ARID1B: variants seen among roughly 807,000 people sequenced by gnomAD.
ARID1B encodes the protein AT-rich interaction domain 1B.
ARID1B carries 30 observed loss-of-function variants against 212.3 expected under a neutral mutation model. That is an observed-to-expected ratio of 0.14 (90% CI 0.11 to 0.19). The LOEUF (loss-of-function observed/expected upper bound fraction) is 0.19, where lower values mean the gene tolerates loss of function less well. Ranked by LOEUF, ARID1B falls within the 10% of genes least tolerant of loss-of-function variation. ARID1B has a pLI of 1.00. For synonymous variants in ARID1B, 1,402 were observed against 1,301.7 expected (o/e 1.08, Z -1.66); for missense variants, 2,891 against 3,204.0 (o/e 0.90, Z 2.36).
intron 1 of ARID1B, among the ~76,000 whole-genome samples, chr6:156,802,757 TG>T (rs1443890819): frequency 6.6e-6 from 1 of 152,250 alleles, no homozygotes; most frequent in East Asian, 1.9e-4. Flanking sequence ...GTATTGGCAT[TG>T]TTTTTTTGTG....
chr6:157,114,998 C>T (rs1352702700), intron 6 of ARID1B, among the ~76,000 whole-genome samples: 1 of 152,192 alleles, frequency 6.6e-6, no homozygotes, highest in African/African-American at 2.4e-5. Flanking sequence ...TGTTAATAAA[C>T]CATGTACCCT....
At chr6:157,075,861 A>G (rs1784271982) in intron 4 of ARID1B, among the ~76,000 whole-genome samples, 1 of 152,238 alleles carries the variant, frequency 6.6e-6, no homozygotes, top group Admixed American at 6.5e-5. Context: ...TGTCAAGGAA[A>G]GACTGGGAAA....
chr6:157,134,288 C>T (rs9480447), intron 7 of ARID1B, among the ~76,000 whole-genome samples: 8,936 of 152,206 alleles, frequency 0.059, 398 homozygotes, highest in South Asian at 0.22. Flanking sequence ...GCTTGAAAAG[C>T]GAGTTATTAT....
chr6:157,084,573 AG>A, intron 4 of ARID1B, 88 bp from the exon 5 acceptor site: 1 of 1,493,592 alleles, frequency 6.7e-7, no homozygotes, highest in Non-Finnish European at 9.0e-7. Context: ...TCATCTCTGA[AG>A]GGGACGTCAT....
At chr6:156,783,620 AGAT>A (rs1297124228) in intron 1 of ARID1B, among the ~76,000 whole-genome samples, 9 of 152,240 alleles carry the variant, frequency 5.9e-5, no homozygotes, top group Non-Finnish European at 1.0e-4. Context: ...CAAACCGAAA[AGAT>A]GATCATTTCA....
chr6:156,915,943 A>C (rs1437015642), intron 3 of ARID1B, among the ~76,000 whole-genome samples: 2 of 151,718 alleles, frequency 1.3e-5, no homozygotes, highest in African/African-American at 4.8e-5. Context: ...TCCTCTCTAG[A>C]AGGTTTTTTA....
At position 157,200,977 on chromosome 6, in the gene ARID1B, G is replaced by A. The variant is rs753891391; in HGVS notation, c.4752G>A (p.Gln1584=). The A allele has an allele frequency of 1.2e-6, 2 of 1,614,128 alleles. No individual in the cohort carries two copies. The highest frequency in any genetic ancestry group is 2.2e-5 in the South Asian group (2 of 91,076). ...AGTCGTCCTCCAGTGAGGGGCCTCA[G>A]CAGAATATGTGGGCAGCACGCAATG... ...PLQSSSSEGP[Q]QNMWAARNDM... The change falls in exon 18 of 20, where the codon CAG becomes CAA. Residue 1584 remains glutamine, a synonymous_variant. Transcript: ENST00000636930. The surrounding 1 kb of genome is among the most constrained non-coding windows in gnomAD (Gnocchi z 4.3).
At chr6:157,035,171 T>G (rs1484877914) in intron 4 of ARID1B, among the ~76,000 whole-genome samples, 2 of 152,244 alleles carry the variant, frequency 1.3e-5, no homozygotes, top group Non-Finnish European at 2.9e-5. Context: ...AATTTTCTTG[T>G]TACATTGACT....
intron 4 of ARID1B, among the ~76,000 whole-genome samples, chr6:157,052,930 G>A (rs1256304646): frequency 6.6e-6 from 1 of 152,080 alleles, no homozygotes; most frequent in African/African-American, 2.4e-5. Context: ...ATGTTGGCCA[G>A]TATTGTCTCG....
At chr6:156,821,205 C>G (rs970156504) in intron 1 of ARID1B, among the ~76,000 whole-genome samples, 3 of 152,304 alleles carry the variant, frequency 2.0e-5, no homozygotes, top group Middle Eastern at 3.4e-3. Flanking sequence ...CTAGGGTCAA[C>G]TCCCCAAGTG....
intron 4 of ARID1B, among the ~76,000 whole-genome samples, chr6:157,062,692 A>G (rs1444279663): frequency 1.7e-5 from 2 of 115,748 alleles, no homozygotes; most frequent in Admixed American, 1.8e-4. Context: ...ATGTTTTAAA[A>G]TATATATATA....
Position 156,779,148 on chromosome 6 carries a change from G to A in ARID1B, c.1468G>A (p.Gly490Ser), listed in dbSNP as rs1216830785. ...GGCGGGGGGCTTCCAGCGCTTCGCC[G>A]GCCAGAACCAGCACCCGTCGGGGGC... ...SAAGGFQRFA[G>S]QNQHPSGATP... Residue 490 changes from glycine (G) to serine (S), a missense_variant, in exon 1 of 20, where the codon GGC becomes AGC. By Grantham distance (56) the Gly-to-Ser change is moderately conservative. Coordinates refer to ENST00000636930, the MANE Select transcript of ARID1B (RefSeq NM_001374828.1). 7.7e-7 allele frequency: 1 copy of A among 1,291,976 alleles called. No homozygotes were observed. The highest frequency in any genetic ancestry group is 9.8e-7 in the Non-Finnish European group (1 of 1,015,472). The allele number at this position is 1,291,976 out of a possible 1,614,324, so 80.0% of individuals were successfully genotyped here. A position where few individuals can be genotyped will look rare whatever the true frequency, so the allele number is the denominator to read the frequency against.
At chr6:157,179,597 A>G (rs918044469) in intron 11 of ARID1B, among the ~76,000 whole-genome samples, 30 of 152,208 alleles carry the variant, frequency 2.0e-4, no homozygotes, top group Non-Finnish European at 4.4e-4. Flanking sequence ...TAAAACAACT[A>G]TTTTTTATCA....
chr6:157,154,918 T>G (rs1307204678), intron 8 of ARID1B, among the ~76,000 whole-genome samples: 1 of 152,154 alleles, frequency 6.6e-6, no homozygotes. Context: ...TTGTTTTGTT[T>G]TGTTTTGTTA....
rs758130951 is a variant in ARID1B, at chr6:157,184,552, G to A, written c.3919+117G>A. 1.0e-5 allele frequency: 12 copies of A among 1,182,314 alleles called. No individual in the cohort carries two copies. The Admixed American group carries it at 2.2e-4, about 22-fold the overall frequency. The allele number at this position is 1,182,314 out of a possible 1,614,324, so 73.2% of individuals were successfully genotyped here. A position where few individuals can be genotyped will look rare whatever the true frequency, so the allele number is the denominator to read the frequency against. ...GGGAACTTGGGACTTTTGAGAGGTGGGGGGTTCCTGTGTCGTTTTGTTTAT... is the reference window on the plus strand; with the variant it reads ...GGGAACTTGGGACTTTTGAGAGGTGAGGGGTTCCTGTGTCGTTTTGTTTAT... On this transcript the variant is annotated intron_variant, in intron 13 of 19. Coordinates refer to ENST00000636930, the MANE Select transcript of ARID1B (RefSeq NM_001374828.1).
At chr6:156,962,643 C>T (rs1292461202) in intron 4 of ARID1B, among the ~76,000 whole-genome samples, 2 of 152,114 alleles carry the variant, frequency 1.3e-5, no homozygotes, top group Non-Finnish European at 2.9e-5. Flanking sequence ...CCACCACCCC[C>T]GGCTAATTTT....
intron 4 of ARID1B, among the ~76,000 whole-genome samples, chr6:156,979,143 G>GAATA (rs1777451551): frequency 6.6e-6 from 1 of 152,186 alleles, no homozygotes; most frequent in Non-Finnish European, 1.5e-5. Context: ...TGTTATTACT[G>GAATA]TTTCTATACT....
chr6:156,819,681 C>T (rs916369292), intron 1 of ARID1B, among the ~76,000 whole-genome samples: 13 of 152,206 alleles, frequency 8.5e-5, no homozygotes, highest in Non-Finnish European at 1.9e-4. Context: ...CTCTTCCGTA[C>T]TCCTGTTTCT....
intron 4 of ARID1B, among the ~76,000 whole-genome samples, chr6:157,080,123 C>T (rs968412542): frequency 4.6e-5 from 7 of 152,142 alleles, no homozygotes; most frequent in African/African-American, 1.7e-4. Context: ...TCATGCTCTC[C>T]TGGGGCACTT....
Sources: gnomAD v4.1 joint callset for allele counts (sites outside exome capture counted in the v4.1 genomes callset) on GRCh38, gnomAD v4.1.1 for gene constraint, Gnocchi (gnomAD v3.1) non-coding constraint, MANE v1.5 for transcripts, NCBI Gene and HGNC (gene_info 2026-07-23, HGNC 2026-07-21) for gene names.